Variants in DCLK1 observed in about 807,000 individuals in gnomAD.
DCLK1 encodes the protein serine/threonine-protein kinase DCLK1.
In DCLK1, 16 loss-of-function variants were observed where a neutral mutation model predicts 86.2. That is an observed-to-expected ratio of 0.19 (90% CI 0.13 to 0.28). The LOEUF (loss-of-function observed/expected upper bound fraction) is 0.28. Ranked by LOEUF, DCLK1 falls within the 10% of genes least tolerant of loss-of-function variation. DCLK1 has a pLI of 1.00. For missense variants in DCLK1, 590 were observed against 940.2 expected (o/e 0.63, Z 4.87); for synonymous variants, 369 against 370.5 (o/e 1.00, Z 0.05).
At chr13:36,002,919 TG>T (rs1880783117) in intron 3 of DCLK1, among the ~76,000 whole-genome samples, 5 of 152,222 alleles carry the variant, frequency 3.3e-5, no homozygotes, top group Admixed American at 3.3e-4. Flanking sequence ...CCCTGAGGGC[TG>T]GGGAGGCCTT....
chr13:35,944,538 C>A (rs1286693979), intron 4 of DCLK1, among the ~76,000 whole-genome samples: 2 of 152,170 alleles, frequency 1.3e-5, no homozygotes, highest in East Asian at 1.9e-4. Flanking sequence ...GTACAAGCAA[C>A]AGGAAAATTG....
intron 1 of DCLK1, 97 bp from the exon 2 acceptor site, chr13:36,126,253 G>T (rs1217650135): frequency 9.5e-7 from 1 of 1,051,824 alleles, no homozygotes. Flanking sequence ...TTAGGGACAG[G>T]GTCCTGCTCT....
chr13:35,873,773 A>T (rs4943345), intron 4 of DCLK1, among the ~76,000 whole-genome samples: 1 of 151,898 alleles, frequency 6.6e-6, no homozygotes, highest in East Asian at 1.9e-4. Flanking sequence ...ATCTTTGCCA[A>T]TTTCTAAACA....
intron 4 of DCLK1, among the ~76,000 whole-genome samples, chr13:35,920,788 C>T (rs1222900572): frequency 1.3e-5 from 2 of 152,074 alleles, no homozygotes; most frequent in Non-Finnish European, 2.9e-5. Context: ...CAGCATCCCC[C>T]ATACATACAC....
intron 4 of DCLK1, among the ~76,000 whole-genome samples, chr13:35,887,414 A>G (rs935184024): frequency 3.3e-5 from 5 of 152,218 alleles, no homozygotes; most frequent in African/African-American, 1.2e-4. Flanking sequence ...CTGCCATCAT[A>G]TAAGTGACCT....
intron 4 of DCLK1, among the ~76,000 whole-genome samples, chr13:35,943,989 A>T (rs1275983422): frequency 6.6e-6 from 1 of 152,096 alleles, no homozygotes. Flanking sequence ...GATTCTACTG[A>T]CTGATGACGA....
chr13:35,774,835 G>A, intron 16 of DCLK1, 136 bp from the exon 17 acceptor site: 1 of 984,390 alleles, frequency 1.0e-6, no homozygotes, highest in Non-Finnish European at 1.5e-6. Context: ...ACTTTTTGTT[G>A]ACAGTCACCA....
chr13:35,832,100 C>G (rs967398067), intron 8 of DCLK1, among the ~76,000 whole-genome samples: 1 of 152,102 alleles, frequency 6.6e-6, no homozygotes, highest in Non-Finnish European at 1.5e-5. Flanking sequence ...TGAGACCAGC[C>G]TGGGCCACAT....
chr13:36,126,017 A>C lies in DCLK1; in HGVS notation c.121T>G (p.Phe41Val), dbSNP rs2138220841. The C allele has an allele frequency of 6.2e-7, 1 of 1,614,040 alleles. No homozygotes were observed. The highest frequency in any genetic ancestry group is 1.1e-5 in the South Asian group (1 of 91,064). Residue 41 changes from phenylalanine to valine, a missense_variant, in exon 2 of 17, where the codon TTC becomes GTC. This residue lies in a region of DCLK1 where 195 missense variants were observed against 365.1 expected (regional missense o/e 0.53). Transcript: ENST00000360631. ...GTCTGCAGCGTGCGGGTGCGGTAGA[A>C]GCTGCAGTGGGCGCTGTGCGTCGGG... The part of the protein sequence containing the change: ...PSPTHSAHCS[F>V]YRTRTLQTLS...
intron 3 of DCLK1, among the ~76,000 whole-genome samples, chr13:36,081,118 C>A (rs886319718): frequency 1.3e-5 from 2 of 151,854 alleles, no homozygotes; most frequent in Non-Finnish European, 2.9e-5. Context: ...CATTTCAATG[C>A]ATATAAAAAT....
At chr13:35,799,526 C>T (rs1403722698) in intron 15 of DCLK1, among the ~76,000 whole-genome samples, 2 of 152,188 alleles carry the variant, frequency 1.3e-5, no homozygotes, top group Non-Finnish European at 2.9e-5. Context: ...GCTGGGATTA[C>T]AGGCATGAAC....
chr13:35,785,933 G>A (rs762007774), intron 16 of DCLK1, among the ~76,000 whole-genome samples: 1 of 152,178 alleles, frequency 6.6e-6, no homozygotes, highest in Non-Finnish European at 1.5e-5. Context: ...CATATATGCC[G>A]ATGAGTTTTT....
chr13:35,855,827 T>C (rs1313203617), intron 5 of DCLK1: 2 of 1,233,404 alleles, frequency 1.6e-6, no homozygotes, highest in Admixed American at 3.5e-5. Flanking sequence ...GAAGCCCCAG[T>C]GCTGTCAGTA....
chr13:35,791,347 AG>A, intron 16 of DCLK1, among the ~76,000 whole-genome samples: 1 of 152,196 alleles, frequency 6.6e-6, no homozygotes, highest in Admixed American at 6.5e-5. Context: ...AGCATTACAC[AG>A]CCCACTTTAC....
At chr13:35,925,011 CT>C (rs1283892592) in intron 4 of DCLK1, among the ~76,000 whole-genome samples, 1 of 152,170 alleles carries the variant, frequency 6.6e-6, no homozygotes, top group Non-Finnish European at 1.5e-5. Context: ...CAGAAAAAGG[CT>C]GCTGACCTTA....
chr13:35,967,147 C>T (rs1454135440), intron 3 of DCLK1, among the ~76,000 whole-genome samples: 2 of 151,614 alleles, frequency 1.3e-5, no homozygotes, highest in African/African-American at 4.8e-5. Flanking sequence ...GCGCCTCTGC[C>T]CGGCCGCCAC....
chr13:35,966,460 G>T (rs1298926589), intron 3 of DCLK1, among the ~76,000 whole-genome samples: 2 of 151,098 alleles, frequency 1.3e-5, no homozygotes, highest in Non-Finnish European at 3.0e-5. Context: ...GCCTTAAAAA[G>T]AATGAAAATT....
chr13:35,968,047 T>TA (rs574334200), intron 3 of DCLK1, among the ~76,000 whole-genome samples: 2,382 of 145,880 alleles, frequency 0.016, 29 homozygotes, highest in Non-Finnish European at 0.023. Flanking sequence ...AAATAAAATT[T>TA]AAAAAAAAAA....
At chr13:36,116,685 A>C (rs1185714895) in intron 2 of DCLK1, among the ~76,000 whole-genome samples, 2 of 152,332 alleles carry the variant, frequency 1.3e-5, no homozygotes, top group East Asian at 3.9e-4. Context: ...CATAGTCAAA[A>C]GCATCCTTAA....
Sources: gnomAD v4.1 joint callset for allele counts (sites outside exome capture counted in the v4.1 genomes callset) on GRCh38, gnomAD v4.1.1 for gene constraint, gnomAD v4.1.1 regional missense constraint, MANE v1.5 for transcripts, NCBI Gene and HGNC (gene_info 2026-07-23, HGNC 2026-07-21) for gene names.